The following ADGRV1 variants were observed in gnomAD, a reference collection of about 807,000 sequenced individuals.
ADGRV1 encodes adhesion G protein-coupled receptor V1, also known as G-protein coupled receptor 98.
In ADGRV1, 359 loss-of-function variants were observed where a neutral mutation model predicts 596.2. The ratio of observed to expected loss-of-function variants is 0.60; its 90% CI spans 0.55 to 0.66. ADGRV1 has a LOEUF of 0.66. Ranked by LOEUF, ADGRV1 falls within the 30% of genes least tolerant of loss-of-function variation. ADGRV1 has a pLI of 0.00. For synonymous variants in ADGRV1, 2,681 were observed against 2,679.2 expected (o/e 1.00, Z -0.02); for missense variants, 7,274 against 7,575.6 (o/e 0.96, Z 1.48).
chr5:91,143,562 T>C (rs1340046137), intron 87 of ADGRV1, among the ~76,000 whole-genome samples: 1 of 152,156 alleles, frequency 6.6e-6, no homozygotes, highest in African/African-American at 2.4e-5. Flanking sequence ...AGGCAGGTCG[T>C]CCCATCAAGT....
chr5:90,782,922 T>A (rs1759010850), intron 65 of ADGRV1, among the ~76,000 whole-genome samples: 1 of 152,216 alleles, frequency 6.6e-6, no homozygotes, highest in Admixed American at 6.5e-5. Context: ...TCTCTGTAAC[T>A]TTCAACATCT....
intron 83 of ADGRV1, among the ~76,000 whole-genome samples, chr5:90,905,770 G>A (rs1256317096): frequency 6.6e-6 from 1 of 152,008 alleles, no homozygotes; most frequent in Admixed American, 6.6e-5. Context: ...GTACTATGTT[G>A]AATAATGGTA....
chr5:90,828,891 A>G, intron 76 of ADGRV1, 53 bp from the exon 77 acceptor site: 3 of 1,224,316 alleles, frequency 2.5e-6, no homozygotes, highest in Non-Finnish European at 2.2e-6. Context: ...AACTATCTAC[A>G]GATAGAAATA....
intron 85 of ADGRV1, among the ~76,000 whole-genome samples, chr5:91,035,861 T>TATATATATATATATATATATAATATA: frequency 1.0e-5 from 1 of 96,402 alleles, no homozygotes; most frequent in Non-Finnish European, 2.2e-5. Context: ...TATATATATA[T>TATATATATATATATATATATAATATA]TATATATATA....
At chr5:90,926,506 A>ATT (rs1409060980) in intron 83 of ADGRV1, among the ~76,000 whole-genome samples, 6 of 150,614 alleles carry the variant, frequency 4.0e-5, no homozygotes, top group African/African-American at 1.5e-4. Context: ...TATTGTGTCT[A>ATT]TTTGATTCTT....
chr5:90,662,468 C>T (rs60562826), intron 21 of ADGRV1, among the ~76,000 whole-genome samples: 24,932 of 152,020 alleles, frequency 0.16, 2,314 homozygotes, highest in East Asian at 0.41. Flanking sequence ...GCTGGGATTA[C>T]AGGTGTAAGC....
intron 86 of ADGRV1, among the ~76,000 whole-genome samples, chr5:91,091,058 A>T (rs1790340111): frequency 6.6e-6 from 1 of 152,086 alleles, no homozygotes; most frequent in Admixed American, 6.5e-5. Context: ...AGTAAATTTG[A>T]CTTCTCAATG....
chr5:90,771,044 T>C (rs921061470), intron 59 of ADGRV1, among the ~76,000 whole-genome samples: 3 of 152,204 alleles, frequency 2.0e-5, no homozygotes, highest in African/African-American at 7.2e-5. Flanking sequence ...TATTTGATAC[T>C]ATTGACATTT....
chr5:90,851,134 T>TGTGTGTGAGAGAGAGAGAGAGAGAGAGA (rs757909771), intron 79 of ADGRV1, among the ~76,000 whole-genome samples: 1 of 81,508 alleles, frequency 1.2e-5, no homozygotes, highest in Admixed American at 1.9e-4. Flanking sequence ...TGTGTGTGTG[T>TGTGTGTGAGAGAGAGAGAGAGAGAGAGA]GAGAGAGAGA....
rs776337063 is a variant in ADGRV1, at chr5:90,823,480, G to A, written c.16252G>A (p.Val5418Met). 3.2e-5 allele frequency: 51 copies of A among 1,613,914 alleles called. No individual in the cohort carries two copies. Among genetic ancestry groups the A allele is most frequent in the Middle Eastern group, 3.3e-4 (2 of 6,060 alleles). Reference protein sequence around the residue: ...WRVTLNKTVVVLQKDGVNLVE... With the variant: ...WRVTLNKTVVMLQKDGVNLVE... ...AGTCACACTTAACAAAACAGTCGTC[G>A]TGCTCCAGAAGGATGGGGTAAACCT... The change falls in exon 76 of 90, where the codon GTG becomes ATG. Residue 5418 changes from valine to methionine, a missense_variant. Transcript: ENST00000405460.
chr5:90,808,316 G>A (rs1762102029), intron 73 of ADGRV1, among the ~76,000 whole-genome samples: 1 of 152,146 alleles, frequency 6.6e-6, no homozygotes, highest in African/African-American at 2.4e-5. Flanking sequence ...TTCAGACTTA[G>A]GGATTTAGTC....
At position 90,697,073 on chromosome 5, in the gene ADGRV1, C is replaced by G; in HGVS notation, c.8082C>G (p.Asn2694Lys). The G allele has an allele frequency of 6.2e-7, 1 of 1,613,426 alleles. No individual in the cohort carries two copies. Among genetic ancestry groups the G allele is most frequent in the East Asian group, 2.2e-5 (1 of 44,868 alleles). ...ILPSSDTVRV[N>K]ILANDNVAGI... The stretch of plus-strand genomic sequence containing the variant: ...CAAGCTCCGACACTGTTAGAGTGAA[C>G]ATTTTGGCCAATGACAATGTGGCAG... The change falls in exon 34 of 90, where the codon AAC becomes AAG. Residue 2694 changes from asparagine to lysine, a missense_variant. Physicochemically the swap from Asn to Lys is moderately conservative, Grantham distance 94. Around this residue, in one of 5 missense-constraint regions of ADGRV1, gnomAD observed 3,643 missense variants for 3,809.2 expected, o/e 0.96. Transcript: ENST00000405460.
chr5:90,802,341 A>G (rs1761463223), intron 70 of ADGRV1, among the ~76,000 whole-genome samples: 1 of 152,088 alleles, frequency 6.6e-6, no homozygotes, highest in African/African-American at 2.4e-5. Context: ...TCAGCCTCCC[A>G]AGTAGCTGGG....
In ADGRV1 at chr5:90,587,553, GT is replaced by G. The variant is rs1440611308; in HGVS notation, c.23-27281del. On this transcript the variant is annotated intron_variant, in intron 1 of 89. Transcript: ENST00000405460. ...TTTTATTGTCATTTCTCTTTTCTGT[GT>G]CTTTTTTTTTTTTTTTTTTTTAAAT... Among the ~76,000 whole-genome samples, 26 of 127,682 alleles carry G rather than the reference GT, an allele frequency of 2.0e-4. No individual in the cohort carries two copies. In the East Asian group the frequency reaches 6.7e-3, roughly 33 times the overall value. 83.8% of individuals were successfully genotyped at this position (127,682 alleles called of 152,430 possible). A position where few individuals can be genotyped will look rare whatever the true frequency, so the allele number is the denominator to read the frequency against.
chr5:90,676,290 T>A, intron 25 of ADGRV1, 81 bp downstream of exon 25: 1 of 1,266,564 alleles, frequency 7.9e-7, no homozygotes, highest in Non-Finnish European at 1.1e-6. Context: ...GGGAAGTAAG[T>A]TCCTTTGAAT....
intron 89 of ADGRV1, 108 bp from the exon 90 acceptor site, chr5:91,163,674 T>G: frequency 3.7e-6 from 2 of 542,856 alleles, no homozygotes; most frequent in East Asian, 2.8e-5. Context: ...GGCTTATTTT[T>G]TACTAATATA....
At chr5:91,052,491 G>C (rs1786433369) in intron 85 of ADGRV1, among the ~76,000 whole-genome samples, 1 of 151,106 alleles carries the variant, frequency 6.6e-6, no homozygotes, top group Admixed American at 6.6e-5. Context: ...GAGTGCAGTG[G>C]CACAGTGATC....
chr5:91,146,795 A>T (rs116400568), intron 87 of ADGRV1, among the ~76,000 whole-genome samples: 75 of 152,352 alleles, frequency 4.9e-4, no homozygotes, highest in African/African-American at 1.8e-3. Flanking sequence ...ATAGCTAATC[A>T]GATATACTTC....
At position 90,694,397 on chromosome 5, in the gene ADGRV1, C is replaced by T. The variant is rs1746899814; in HGVS notation, c.7641C>T (p.Leu2547=). The change falls in exon 33 of 90, where the codon CTC becomes CTT. Residue 2547 remains leucine (L), a synonymous_variant. Transcript: ENST00000405460. The part of the protein sequence containing the change: ...SFLISLLEVH[L]MNISASLKNQ... ...TAATTTCTCTCCTTGAAGTTCACCT[C>T]ATGAACATTTCAGCCAGTTTGAAAA... 3 of 1,613,986 alleles carry T rather than the reference C, an allele frequency of 1.9e-6. No homozygotes were observed. The highest frequency in any genetic ancestry group is 2.5e-6 in the Non-Finnish European group (3 of 1,179,876).
Sources: gnomAD v4.1 joint callset for allele counts (sites outside exome capture counted in the v4.1 genomes callset) on GRCh38, gnomAD v4.1.1 for gene constraint, gnomAD v4.1.1 regional missense constraint, MANE v1.5 for transcripts, NCBI Gene and HGNC (gene_info 2026-07-23, HGNC 2026-07-21) for gene names.